The following ROBO2 variants were observed in gnomAD, a reference collection of about 807,000 sequenced individuals.
ROBO2 encodes the protein roundabout homolog 2.
In ROBO2, 53 loss-of-function variants were observed where a neutral mutation model predicts 160.8. That is an observed-to-expected ratio of 0.33 (90% CI 0.26 to 0.41). The LOEUF (loss-of-function observed/expected upper bound fraction) is 0.41, where lower values mean the gene tolerates loss of function less well. Ranked by LOEUF, ROBO2 falls within the 10% of genes least tolerant of loss-of-function variation. The pLI, the probability that ROBO2 is intolerant of heterozygous loss-of-function variation, is 1.00. For missense variants in ROBO2, 1,577 were observed against 1,722.4 expected, an observed-to-expected ratio of 0.92 and a Z score of 1.49; for synonymous variants, 664 against 611.7, an observed-to-expected ratio of 1.09 and a Z score of -1.26.
At chr3:76,619,334 C>T (rs1214580291) in intron 2 of ROBO2, among the ~76,000 whole-genome samples, 2 of 114,852 alleles carry the variant, frequency 1.7e-5, no homozygotes, top group South Asian at 2.8e-4. Flanking sequence ...AGCGAGACTC[C>T]GTCTCAAAAA....
rs139819026 is a variant in ROBO2, at chr3:76,162,884, G to A, written c.109+225282G>A. ...TAGTTATCTCTTTTTCTTATCACTG[G>A]AAGTCCAGATTATTTTAATTTTTTG... is the stretch of plus-strand genomic sequence containing the variant. On this transcript the variant is annotated intron_variant, in intron 2 of 26. Coordinates refer to the ROBO2 transcript ENST00000487694. Among the ~76,000 whole-genome samples, 66 of 151,926 alleles carry A rather than the reference G, an allele frequency of 4.3e-4. No homozygotes were observed. The East Asian group carries it at 0.012, about 28-fold the overall frequency.
At chr3:76,250,343 G>A (rs1705911727) in intron 2 of ROBO2, among the ~76,000 whole-genome samples, 1 of 151,986 alleles carries the variant, frequency 6.6e-6, no homozygotes, top group Non-Finnish European at 1.5e-5. Context: ...TTTGAGTAAT[G>A]TTTTTATTTT....
intron 2 of ROBO2, among the ~76,000 whole-genome samples, chr3:76,043,289 G>A (rs541822419): frequency 6.6e-6 from 1 of 151,650 alleles, no homozygotes; most frequent in African/African-American, 2.4e-5. Context: ...CCCTGGAATA[G>A]TCTCTCCCTT....
intron 2 of ROBO2, among the ~76,000 whole-genome samples, chr3:76,947,474 A>C (rs12629619): frequency 0.22 from 34,182 of 152,140 alleles, 3,991 homozygotes; most frequent in South Asian, 0.34. Context: ...TCATCATTTA[A>C]AATTATTTAA....
intron 2 of ROBO2, among the ~76,000 whole-genome samples, chr3:76,002,257 G>T (rs1309515785): frequency 6.6e-6 from 1 of 152,158 alleles, no homozygotes; most frequent in Non-Finnish European, 1.5e-5. Context: ...GGACAGATAG[G>T]CATAGAGAGA....
In ROBO2 at chr3:77,028,714, G is replaced by A. The variant is rs543856277; in HGVS notation, c.110-69300G>A. On this transcript the variant is annotated intron_variant, in intron 2 of 26. Transcript: ENST00000487694. ...AGCCTGGGTGACAGAGCGAGACTCC[G>A]TCTCAAAAAAAAGAAAAAAAATCTG... 4.9e-4 allele frequency among the ~76,000 whole-genome samples: 74 copies of A among 152,094 alleles called. 1 individual carries two copies. The highest frequency in any genetic ancestry group is 1.7e-3 in the African/African-American group (70 of 41,500).
intron 2 of ROBO2, among the ~76,000 whole-genome samples, chr3:77,456,079 C>G (rs141545414): frequency 1.8e-4 from 27 of 152,274 alleles, no homozygotes; most frequent in African/African-American, 6.0e-4. Context: ...ACCTTGAATT[C>G]TTAGCATCCT....
At chr3:76,655,455 T>TATATATATATATATATATATATATA (rs2091468454) in intron 2 of ROBO2, among the ~76,000 whole-genome samples, 1 of 130,964 alleles carries the variant, frequency 7.6e-6, no homozygotes, top group Non-Finnish European at 1.7e-5. Context: ...TATATATATA[T>TATATATATATATATATATATATATA]GGATTTTTTT....
chr3:77,270,858 A>C (rs1020502159), intron 2 of ROBO2, among the ~76,000 whole-genome samples: 1 of 151,888 alleles, frequency 6.6e-6, no homozygotes, highest in African/African-American at 2.4e-5. Flanking sequence ...CAGCAGAATC[A>C]CTTGAACCTG....
At chr3:76,938,373 AG>A (rs2077888803) in intron 2 of ROBO2, among the ~76,000 whole-genome samples, 4 of 147,844 alleles carry the variant, frequency 2.7e-5, no homozygotes, top group African/African-American at 9.9e-5. Context: ...CCCCCAAAAA[AG>A]GCTGCATATT....
chr3:77,224,138 T>C (rs943137012), intron 2 of ROBO2, among the ~76,000 whole-genome samples: 4 of 152,026 alleles, frequency 2.6e-5, no homozygotes, highest in Non-Finnish European at 5.9e-5. Flanking sequence ...TTAAATCATA[T>C]TTTCTAACAT....
chr3:76,924,929 C>T (rs1475944791), intron 2 of ROBO2, among the ~76,000 whole-genome samples: 2 of 152,124 alleles, frequency 1.3e-5, no homozygotes, highest in East Asian at 3.9e-4. Context: ...TGGTTTGCGG[C>T]CGGGCGCGGT....
At chr3:77,327,696 T>C (rs977964457) in intron 2 of ROBO2, among the ~76,000 whole-genome samples, 1 of 152,044 alleles carries the variant, frequency 6.6e-6, no homozygotes, top group Non-Finnish European at 1.5e-5. Flanking sequence ...ATTAGACACA[T>C]ATGGAGCAAT....
chr3:77,463,853 G>T (rs1403017005), intron 2 of ROBO2, among the ~76,000 whole-genome samples: 1 of 152,114 alleles, frequency 6.6e-6, no homozygotes. Flanking sequence ...AAAGTGCTGG[G>T]ATTATAGGCG....
At chr3:76,812,723 A>G (rs1275149576) in intron 2 of ROBO2, among the ~76,000 whole-genome samples, 3 of 151,976 alleles carry the variant, frequency 2.0e-5, no homozygotes, top group African/African-American at 7.2e-5. Context: ...TCTAAAGTGT[A>G]CTCATAAAAT....
At chr3:76,767,644 G>A (rs1208996784) in intron 2 of ROBO2, among the ~76,000 whole-genome samples, 1 of 151,400 alleles carries the variant, frequency 6.6e-6, no homozygotes, top group African/African-American at 2.4e-5. Flanking sequence ...TACAAAAGTT[G>A]ATTTTAAGAA....
intron 2 of ROBO2, among the ~76,000 whole-genome samples, chr3:76,218,252 C>A (rs4856020): frequency 6.6e-6 from 1 of 151,996 alleles, no homozygotes; most frequent in Non-Finnish European, 1.5e-5. Context: ...AAAACTGGCA[C>A]AAGACAGGGA....
At chr3:77,158,618 A>C (rs1383538045) in intron 2 of ROBO2, among the ~76,000 whole-genome samples, 1 of 152,154 alleles carries the variant, frequency 6.6e-6, no homozygotes, top group African/African-American at 2.4e-5. Flanking sequence ...TATCTTAGAT[A>C]ATAAATACTT....
intron 2 of ROBO2, among the ~76,000 whole-genome samples, chr3:76,142,881 T>G (rs2071729995): frequency 6.6e-6 from 1 of 151,956 alleles, no homozygotes; most frequent in Non-Finnish European, 1.5e-5. Context: ...TATTTCACAT[T>G]GCAGGCCTGT....
Sources: gnomAD v4.1 joint callset for allele counts (sites outside exome capture counted in the v4.1 genomes callset) on GRCh38, gnomAD v4.1.1 for gene constraint, MANE v1.5 for transcripts, NCBI Gene and HGNC (gene_info 2026-07-23, HGNC 2026-07-21) for gene names.